The following LINGO1 variants were observed in gnomAD, a reference collection of about 807,000 sequenced individuals.
LINGO1 encodes leucine rich repeat and Ig domain containing 1, also known as leucine-rich repeat and immunoglobulin-like domain-containing nogo receptor-interacting protein 1.
In LINGO1, 11 loss-of-function variants were observed where a neutral mutation model predicts 37.3. The observed-to-expected ratio is 0.29, with a 90% CI of 0.19 to 0.49. LINGO1 has a LOEUF of 0.49. Ranked by LOEUF, LINGO1 falls within the 20% of genes least tolerant of loss-of-function variation. The pLI is 0.99. For missense variants in LINGO1, 585 were observed against 878.2 expected (o/e 0.67, Z 4.22); for synonymous variants, 387 against 403.0 (o/e 0.96, Z 0.48).
intron 1 of LINGO1, among the ~76,000 whole-genome samples, chr15:77,736,620 A>C (rs931114682): frequency 3.9e-5 from 6 of 152,026 alleles, no homozygotes; most frequent in Non-Finnish European, 8.8e-5. Flanking sequence ...AATTAATTTA[A>C]AAAATTAGCT....
At chr15:77,630,770 C>G (rs2074231635) in intron 1 of LINGO1, among the ~76,000 whole-genome samples, 1 of 152,154 alleles carries the variant, frequency 6.6e-6, no homozygotes, top group Non-Finnish European at 1.5e-5. Flanking sequence ...GGTGCCTGTC[C>G]CTGCCTTCGC....
At chr15:77,623,629 C>G (rs2142539303) in intron 1 of LINGO1, among the ~76,000 whole-genome samples, 1 of 152,322 alleles carries the variant, frequency 6.6e-6, no homozygotes, top group African/African-American at 2.4e-5. Flanking sequence ...GGGGGCCAGG[C>G]AGCCAGTGTC....
chr15:77,692,671 C>T (rs900747083), intron 1 of LINGO1, among the ~76,000 whole-genome samples: 5 of 152,214 alleles, frequency 3.3e-5, no homozygotes, highest in Non-Finnish European at 7.3e-5. Context: ...GGACCACTCC[C>T]TCCTGCCTGG....
At chr15:77,731,820 G>A (rs757219156) in intron 2 of LINGO1, among the ~76,000 whole-genome samples, 20 of 152,104 alleles carry the variant, frequency 1.3e-4, no homozygotes, top group Non-Finnish European at 2.6e-4. Flanking sequence ...CTCTCCAGCT[G>A]CACACCCAGC....
chr15:77,619,564 T>C (rs1243273494), intron 1 of LINGO1, among the ~76,000 whole-genome samples: 3 of 152,194 alleles, frequency 2.0e-5, no homozygotes, highest in African/African-American at 4.8e-5. Flanking sequence ...GGTGCACCTA[T>C]AGTCCCAACT....
At chr15:77,708,263 C>T (rs1353755263) in intron 2 of LINGO1, among the ~76,000 whole-genome samples, 1 of 152,266 alleles carries the variant, frequency 6.6e-6, no homozygotes, top group Admixed American at 6.5e-5. Flanking sequence ...GGAAGGAGGA[C>T]AGACACTTTA....
At chr15:77,700,225 CT>C (rs1463394520), upstream of LINGO1, among the ~76,000 whole-genome samples, 1 of 152,190 alleles carries the variant, frequency 6.6e-6, no homozygotes. Flanking sequence ...CAACACACCT[CT>C]CCCTACCTTG....
intron 1 of LINGO1, among the ~76,000 whole-genome samples, chr15:77,780,701 C>T (rs2076707664): frequency 6.6e-6 from 1 of 152,010 alleles, no homozygotes; most frequent in African/African-American, 2.4e-5. Context: ...AATGAGGTCA[C>T]AAGGATGGAG....
chr15:77,693,638 A>T (rs1459229526), intron 1 of LINGO1, among the ~76,000 whole-genome samples: 1 of 152,196 alleles, frequency 6.6e-6, no homozygotes, highest in African/African-American at 2.4e-5. Flanking sequence ...GTGGAGATTG[A>T]ACTCAAGGGG....
chr15:77,618,966 A>G (rs961149016), intron 1 of LINGO1, among the ~76,000 whole-genome samples: 3 of 151,914 alleles, frequency 2.0e-5, no homozygotes, highest in African/African-American at 7.3e-5. Context: ...ATTTGAACCA[A>G]CTGACAGAAA....
intron 1 of LINGO1, among the ~76,000 whole-genome samples, chr15:77,753,956 G>A (rs73455718): frequency 0.053 from 8,082 of 152,268 alleles, 749 homozygotes; most frequent in African/African-American, 0.19. Context: ...TGAGTGAGAA[G>A]CTACTGCCCA....
intron 2 of LINGO1, among the ~76,000 whole-genome samples, chr15:77,716,881 C>T (rs906872063): frequency 6.6e-6 from 1 of 150,610 alleles, no homozygotes; most frequent in African/African-American, 2.4e-5. Flanking sequence ...GAGTTCCCAA[C>T]AAATGCTTCC....
chr15:77,738,833 G>C (rs1033035553), intron 1 of LINGO1, among the ~76,000 whole-genome samples: 6 of 149,788 alleles, frequency 4.0e-5, no homozygotes, highest in Non-Finnish European at 7.4e-5. Context: ...GGAAGGAAGG[G>C]GCACAGCCAA....
At chr15:77,743,113 C>T (rs2141351793) in intron 1 of LINGO1, among the ~76,000 whole-genome samples, 1 of 152,262 alleles carries the variant, frequency 6.6e-6, no homozygotes, top group Non-Finnish European at 1.5e-5. Flanking sequence ...GGAAGGAGAG[C>T]CCTCCTGGGC....
chr15:77,695,532 G>C (rs949009731), intron 1 of LINGO1, among the ~76,000 whole-genome samples: 1 of 152,190 alleles, frequency 6.6e-6, no homozygotes, highest in African/African-American at 2.4e-5. Flanking sequence ...CCAGGCCCAA[G>C]GAGCCCCCAA....
chr15:77,665,456 C>T (rs2075109019), intron 3 of LINGO1, among the ~76,000 whole-genome samples: 1 of 152,212 alleles, frequency 6.6e-6, no homozygotes, highest in African/African-American at 2.4e-5. Context: ...ACTGCCTGGG[C>T]CTCAGTCTCT....
At chr15:77,805,301 G>A (rs2076951090) in intron 1 of LINGO1, among the ~76,000 whole-genome samples, 1 of 152,178 alleles carries the variant, frequency 6.6e-6, no homozygotes, top group African/African-American at 2.4e-5. Context: ...TCCTACTCCT[G>A]CTGGGAAGAT....
intron 2 of LINGO1, among the ~76,000 whole-genome samples, chr15:77,719,596 C>A (rs539629683): frequency 6.7e-6 from 1 of 149,864 alleles, no homozygotes; most frequent in East Asian, 2.2e-4. Flanking sequence ...TCAAGAGACT[C>A]CAGAAGCCAG....
chr15:77,666,828 A>C (rs1437411787), intron 3 of LINGO1: 2 of 152,290 alleles, frequency 1.3e-5, no homozygotes, highest in African/African-American at 4.8e-5. Flanking sequence ...TTGTTGGATC[A>C]TTAGTTCAGA....
Sources: allele counts gnomAD v4.1 joint callset (sites outside exome capture counted in the v4.1 genomes callset), GRCh38; gene constraint gnomAD v4.1.1; transcripts MANE v1.5; gene names NCBI Gene and HGNC (gene_info 2026-07-23, HGNC 2026-07-21).